Variants in FIBCD1 observed in about 807,000 individuals in gnomAD.
FIBCD1 encodes the protein fibrinogen C domain containing 1, also known as fibrinogen C domain-containing protein 1.
FIBCD1 carries 47 observed loss-of-function variants against 45.1 expected under a neutral mutation model. That is an observed-to-expected ratio of 1.04 (90% CI 0.82 to 1.33). The LOEUF (loss-of-function observed/expected upper bound fraction) is 1.33. FIBCD1 is among the 40% of genes most tolerant of loss of function. The pLI, the probability that FIBCD1 is intolerant of heterozygous loss-of-function variation, is 0.00. For missense variants in FIBCD1, 653 were observed against 682.2 expected (o/e 0.96, Z 0.48); for synonymous variants, 313 against 308.1 (o/e 1.02, Z -0.17).
chr9:130,929,110 G>A (rs1191129386), intron 2 of FIBCD1, among the ~76,000 whole-genome samples: 2 of 152,148 alleles, frequency 1.3e-5, no homozygotes, highest in East Asian at 1.9e-4. Context: ...GGTATTGCAT[G>A]GTGTGAACTG....
intron 1 of FIBCD1, among the ~76,000 whole-genome samples, chr9:130,937,322 C>T (rs1832533165): frequency 6.6e-6 from 1 of 152,174 alleles, no homozygotes; most frequent in African/African-American, 2.4e-5. Context: ...TTTGAATCCC[C>T]ACTCTCTTGC....
Position 130,905,340 on chromosome 9 carries a change from A to G in FIBCD1, c.1020T>C (p.Asn340=), listed in dbSNP as rs1250125512. ...ELHVDLEDFE[N]GTAYARYGSF... is the part of the protein sequence containing the mutation. The stretch of plus-strand genomic sequence containing the variant: ...TCCCGTAGCGGGCATAGGCCGTGCC[A>G]TTCTCAAAGTCCTCCAGGTCCACGT... Residue 340 remains asparagine, a synonymous_variant, in exon 6 of 7, where the codon AAT becomes AAC. Transcript: ENST00000372338. 2 of 1,614,048 alleles carry G rather than the reference A, an allele frequency of 1.2e-6. No individual in the cohort carries two copies. The highest frequency in any genetic ancestry group is 3.3e-5 in the Admixed American group (2 of 60,012).
rs1188039374 is a variant in FIBCD1 at position 130,922,728 on chromosome 9, T to TCC, written c.849+1014_849+1015dup. Among the ~76,000 whole-genome samples, 1 of 151,864 alleles carries TCC rather than the reference T, an allele frequency of 6.6e-6. No individual in the cohort carries two copies. Among genetic ancestry groups the TCC allele is most frequent in the Non-Finnish European group, 1.5e-5 (1 of 67,980 alleles). On this transcript the variant is annotated intron_variant, in intron 4 of 6. Coordinates refer to ENST00000372338, the MANE Select transcript of FIBCD1 (RefSeq NM_032843.5). This position sits in a 1 kb window ranked among gnomAD's most constrained non-coding sequence, Gnocchi z 4.5. ...TCCTCTCTTCAACACCCCCAGTAGC[T>TCC]CCCGACTGTGTGTCCCAACCCTGCA...
At chr9:130,904,420 T>A (rs1831890196) in intron 6 of FIBCD1, 97 bp from the exon 7 acceptor site, 1 of 1,490,094 alleles carries the variant, frequency 6.7e-7, no homozygotes, top group Admixed American at 2.0e-5. Flanking sequence ...CACGTGCACC[T>A]GGACGTGAGT....
rs1161084829 is a variant in FIBCD1, at chr9:130,923,877, G to A, written c.716C>T (p.Ser239Phe). Reference protein sequence around the residue: ...GTRPRGCATGSRPRDCLDVLL... With the variant: ...GTRPRGCATGFRPRDCLDVLL... ...GACGTCCAGACAGTCTCGGGGCCGG[G>A]AGCCTGAGGGAGGCAAGGCTGTCAG... is the stretch of plus-strand genomic sequence containing the variant. Residue 239 changes from serine to phenylalanine, a missense_variant, in exon 4 of 7, where the codon TCC becomes TTC. By Grantham distance (155) the Ser-to-Phe change is radical (BLOSUM62 -2). Transcript: ENST00000372338. 2 of 1,612,344 alleles carry A rather than the reference G, an allele frequency of 1.2e-6. No individual in the cohort carries two copies. The highest frequency in any genetic ancestry group is 1.7e-6 in the Non-Finnish European group (2 of 1,179,974).
chr9:130,924,836 C>T (rs893568524), intron 2 of FIBCD1, among the ~76,000 whole-genome samples: 14 of 152,206 alleles, frequency 9.2e-5, no homozygotes, highest in African/African-American at 1.4e-4. Context: ...GTCCTCACCA[C>T]GCCTCGTCTC....
rs539810430 is a variant in FIBCD1 at position 130,926,453 on chromosome 9, G to A, written c.553-2057C>T. On this transcript the variant is annotated intron_variant, in intron 2 of 6. Coordinates refer to ENST00000372338, the MANE Select transcript of FIBCD1 (RefSeq NM_032843.5). This position sits in a 1 kb window ranked among gnomAD's most constrained non-coding sequence, Gnocchi z 4.1. ...TAGTGGTGTCAGAGCTGCTGTCCCCGGCACTGCTTAGCTGTGTGAGTGAGC... is the reference window on the plus strand; with the variant it reads ...TAGTGGTGTCAGAGCTGCTGTCCCCAGCACTGCTTAGCTGTGTGAGTGAGC... Among the ~76,000 whole-genome samples the A allele has an allele frequency of 4.7e-4, 71 of 152,204 alleles. No individual in the cohort carries two copies. The highest frequency in any genetic ancestry group is 7.6e-4 in the Non-Finnish European group (52 of 68,044).
At chr9:130,924,522 CCG>C in intron 2 of FIBCD1, 126 bp from the exon 3 acceptor site, 2 of 888,446 alleles carry the variant, frequency 2.3e-6, no homozygotes, top group Non-Finnish European at 3.3e-6. Flanking sequence ...GCTCAAGGCC[CCG>C]CCCTGCCCTG....
intron 5 of FIBCD1, 54 bp from the exon 6 acceptor site, chr9:130,905,467 C>G: frequency 6.5e-7 from 1 of 1,535,022 alleles, no homozygotes; most frequent in South Asian, 1.2e-5. Flanking sequence ...GAAGCGACTC[C>G]CCAGGGAGAA....
Position 130,909,661 on chromosome 9 carries a change from C to G in FIBCD1, c.946+2131G>C, listed in dbSNP as rs1832000353. Reference sequence around the variant, plus strand: ...CCAAATATATATAGGTAGATAGGACCTCAAAGTTGTGATTCTTTTAGGATG... The same window carrying G: ...CCAAATATATATAGGTAGATAGGACGTCAAAGTTGTGATTCTTTTAGGATG... On this transcript the variant is annotated intron_variant, in intron 5 of 6. Transcript: ENST00000372338. 3.3e-5 allele frequency among the ~76,000 whole-genome samples: 5 copies of G among 151,948 alleles called. No individual in the cohort carries two copies. In the South Asian group the frequency reaches 1.0e-3, roughly 31 times the overall value.
chr9:130,905,268 G>T lies in FIBCD1; in HGVS notation c.1092C>A (p.Tyr364Ter), dbSNP rs1470677252. Residue 364 changes from tyrosine to a stop codon, truncating the protein, a stop_gained, in exon 6 of 7, where the codon TAC (tyrosine) becomes TAA (stop). Coordinates refer to ENST00000372338, the MANE Select transcript of FIBCD1 (RefSeq NM_032843.5). LOFTEE classifies it high-confidence loss of function. ...LFSVDPEEDG[Y>*]PLTVADYSGT... ...CGGAATAGTCAGCCACGGTGAGCGG[G>T]TACCCGTCTTCCTCAGGGTCCACGG... 7 of 1,613,782 alleles carry T rather than the reference G, an allele frequency of 4.3e-6. No homozygotes were observed. The highest frequency in any genetic ancestry group is 5.9e-6 in the Non-Finnish European group (7 of 1,180,014).
In FIBCD1 at chr9:130,929,523, C is replaced by T. The variant is rs765688264; in HGVS notation, c.552+44G>A. ...GGCACATGGCAGCAGCAGCACCAAC[C>T]CCTCGCCTCCAGCAAGACCCCAAGA... On this transcript the variant is annotated intron_variant, in intron 2 of 6. Coordinates refer to ENST00000372338, the MANE Select transcript of FIBCD1 (RefSeq NM_032843.5). 86 of 1,486,944 alleles carry T rather than the reference C, an allele frequency of 5.8e-5. No homozygotes were observed. The East Asian group carries it at 2.0e-3, about 35-fold the overall frequency. 92.1% of individuals were successfully genotyped at this position (1,486,944 alleles called of 1,614,324 possible).
chr9:130,927,697 C>G (rs1832382494), intron 2 of FIBCD1, among the ~76,000 whole-genome samples: 1 of 152,208 alleles, frequency 6.6e-6, no homozygotes, highest in African/African-American at 2.4e-5. Context: ...GAGACAGAGT[C>G]TCGCTCTGTT....
rs369738827 is a variant in FIBCD1, at chr9:130,904,015, G to C, written c.*49C>G. The C allele has an allele frequency of 1.6e-5, 25 of 1,595,574 alleles. No homozygotes were observed. Among genetic ancestry groups the C allele is most frequent in the Non-Finnish European group, 2.1e-5 (25 of 1,171,730 alleles). Reference sequence around the variant, plus strand: ...ATTCACGAAAGAGTGAGGTGGGGTCGGGGATGGGGCGACAGGGACCAGCAG... The same window carrying C: ...ATTCACGAAAGAGTGAGGTGGGGTCCGGGATGGGGCGACAGGGACCAGCAG... On this transcript the variant is annotated 3_prime_UTR_variant, in exon 7 of 7. Coordinates refer to ENST00000372338, the MANE Select transcript of FIBCD1 (RefSeq NM_032843.5).
chr9:130,926,285 G>A lies in FIBCD1; in HGVS notation c.553-1889C>T, dbSNP rs1442118583. On this transcript the variant is annotated intron_variant, in intron 2 of 6. Coordinates refer to ENST00000372338, the MANE Select transcript of FIBCD1 (RefSeq NM_032843.5). This position sits in a 1 kb window ranked among gnomAD's most constrained non-coding sequence, Gnocchi z 4.1. ...CACGGCCTCCTCCCTCTTGCTAACG[G>A]GCAGGGAAGACCTCTGTTTAAACCA... 6.6e-6 allele frequency among the ~76,000 whole-genome samples: 1 copy of A among 152,230 alleles called. No homozygotes were observed. Among genetic ancestry groups the A allele is most frequent in the Non-Finnish European group, 1.5e-5 (1 of 68,044 alleles).
In FIBCD1 at chr9:130,929,577, C is replaced by T. The variant is rs868510404; in HGVS notation, c.542G>A (p.Arg181His). 16 of 1,503,746 alleles carry T rather than the reference C, an allele frequency of 1.1e-5. No homozygotes were observed. The Middle Eastern group carries it at 7.2e-4, about 67-fold the overall frequency. The allele number at this position is 1,503,746 out of a possible 1,614,324, so 93.2% of individuals were successfully genotyped here. A position where few individuals can be genotyped will look rare whatever the true frequency, so the allele number is the denominator to read the frequency against. The change falls in exon 2 of 7, where the codon CGC (arginine) becomes CAC (histidine). Residue 181 changes from arginine to histidine, a missense_variant. Physicochemically the swap from Arg to His is conservative, Grantham distance 29. Transcript: ENST00000372338. Reference sequence around the variant, plus strand: ...AGACCCCAGCCCTACCTGGATGAGGCGGCCCTGCTCACTCTGCAGGGCGCT... The same window carrying T: ...AGACCCCAGCCCTACCTGGATGAGGTGGCCCTGCTCACTCTGCAGGGCGCT... The part of the protein sequence containing the change: ...GLSALQSEQG[R>H]LIQLLSESQG...
At chr9:130,913,539 G>A (rs1423667879) in intron 4 of FIBCD1, among the ~76,000 whole-genome samples, 1 of 152,242 alleles carries the variant, frequency 6.6e-6, no homozygotes, top group Non-Finnish European at 1.5e-5. Context: ...CAGGGAGCTG[G>A]AGGGAGATGA....
At chr9:130,931,798 C>T (rs954139439) in intron 1 of FIBCD1, among the ~76,000 whole-genome samples, 1 of 152,244 alleles carries the variant, frequency 6.6e-6, no homozygotes, top group East Asian at 1.9e-4. Flanking sequence ...TCCTGCCTTC[C>T]TCTCTGGGCC....
chr9:130,923,951 T>A (rs565513723), intron 3 of FIBCD1, 71 bp from the exon 4 acceptor site: 40 of 1,603,122 alleles, frequency 2.5e-5, no homozygotes, highest in Non-Finnish European at 3.2e-5. Flanking sequence ...GGCCAAACTG[T>A]CTGTCCATCG....
Sources: allele counts gnomAD v4.1 joint callset (sites outside exome capture counted in the v4.1 genomes callset), GRCh38; gene constraint gnomAD v4.1.1; non-coding constraint Gnocchi (gnomAD v3.1); transcripts MANE v1.5; gene names NCBI Gene and HGNC (gene_info 2026-07-23, HGNC 2026-07-21).